LRP1: variants seen among roughly 807,000 people sequenced by gnomAD.
LRP1 encodes the protein LDL receptor related protein 1, also known as prolow-density lipoprotein receptor-related protein 1.
In LRP1, 51 loss-of-function variants were observed where a neutral mutation model predicts 541.5. The ratio of observed to expected loss-of-function variants is 0.09; its 90% CI spans 0.08 to 0.12. The LOEUF (loss-of-function observed/expected upper bound fraction) is 0.12, where lower values mean the gene tolerates loss of function less well. Among genes scored for constraint, LRP1 ranks in the 10% least tolerant of loss-of-function variants. LRP1 has a pLI of 1.00. For synonymous variants in LRP1, 2,219 were observed against 2,470.8 expected, an observed-to-expected ratio of 0.90 and a Z score of 3.02; for missense variants, 3,878 against 6,376.2, an observed-to-expected ratio of 0.61 and a Z score of 13.34.
chr12:57,174,599 A>T (rs2036007168), intron 22 of LRP1, among the ~76,000 whole-genome samples: 1 of 152,234 alleles, frequency 6.6e-6, no homozygotes, highest in African/African-American at 2.4e-5. Context: ...ACATGGTGAA[A>T]CCCTGTCTCT....
intron 1 of LRP1, among the ~76,000 whole-genome samples, chr12:57,133,642 G>A (rs954281000): frequency 2.9e-3 from 9 of 3,150 alleles, no homozygotes; most frequent in African/African-American, 8.0e-3. Flanking sequence ...CCCACCCCCC[G>A]CACCTTGAGC....
At chr12:57,155,865 C>T (rs1052047343) in intron 8 of LRP1, among the ~76,000 whole-genome samples, 1 of 152,096 alleles carries the variant, frequency 6.6e-6, no homozygotes, top group Admixed American at 6.5e-5. Flanking sequence ...GCAGGAGGGC[C>T]GCTTAAGCCC....
chr12:57,149,733 C>T (rs1407959588), intron 6 of LRP1: 1 of 730,562 alleles, frequency 1.4e-6, no homozygotes, highest in Non-Finnish European at 2.5e-6. Context: ...CGGCTAAGCT[C>T]CAGACTGGCT....
chr12:57,195,406 G>C lies in LRP1; in HGVS notation c.8437+7G>C, dbSNP rs915857228. 2 of 1,603,538 alleles carry C rather than the reference G, an allele frequency of 1.2e-6. No individual in the cohort carries two copies. The highest frequency in any genetic ancestry group is 1.7e-5 in the Admixed American group (1 of 59,996). Reference sequence around the variant, plus strand: ...AGCATCGCAGCTGGTTGCTGTGAGTGGCGGGGCCACGTGGAGCGGGTGGAC... The same window carrying C: ...AGCATCGCAGCTGGTTGCTGTGAGTCGCGGGGCCACGTGGAGCGGGTGGAC... On this transcript the variant is annotated splice_region_variant and intron_variant, in intron 52 of 88. Coordinates refer to ENST00000243077, the MANE Select transcript of LRP1 (RefSeq NM_002332.3).
chr12:57,178,787 G>A lies in LRP1; in HGVS notation c.4607-103G>A. On this transcript the variant is annotated intron_variant, in intron 27 of 88. Coordinates refer to ENST00000243077, the MANE Select transcript of LRP1 (RefSeq NM_002332.3). This position sits in a 1 kb window ranked among gnomAD's most constrained non-coding sequence, Gnocchi z 5.8. Reference sequence around the variant, plus strand: ...AGAGAAGGGTCTAGTAGTAGCGGCTGCTGGAACAGGGGGAGGAGAGTGGGC... The same window carrying A: ...AGAGAAGGGTCTAGTAGTAGCGGCTACTGGAACAGGGGGAGGAGAGTGGGC... The A allele has an allele frequency of 6.6e-7, 1 of 1,522,298 alleles. No individual in the cohort carries two copies. The highest frequency in any genetic ancestry group is 1.3e-5 in the South Asian group (1 of 79,514). The allele number at this position is 1,522,298 out of a possible 1,614,324, so 94.3% of individuals were successfully genotyped here. A position where few individuals can be genotyped will look rare whatever the true frequency, so the allele number is the denominator to read the frequency against.
chr12:57,196,337 C>A, intron 55 of LRP1, 60 bp downstream of exon 55: 1 of 1,401,600 alleles, frequency 7.1e-7, no homozygotes, highest in Non-Finnish European at 9.6e-7. Flanking sequence ...CGCCTTTCTC[C>A]ACTGCCTTAT....
At chr12:57,131,504 G>A (rs980506241) in intron 1 of LRP1, among the ~76,000 whole-genome samples, 2 of 152,018 alleles carry the variant, frequency 1.3e-5, no homozygotes, top group Admixed American at 6.5e-5. Context: ...CCCTTGAGCC[G>A]GCATATTACC....
At chr12:57,150,465 A>G (rs1011603872) in intron 6 of LRP1, among the ~76,000 whole-genome samples, 3 of 152,134 alleles carry the variant, frequency 2.0e-5, no homozygotes, top group Admixed American at 6.5e-5. Flanking sequence ...TGCTGGGATT[A>G]CAGGCGTGAG....
rs1417747478 is a variant in LRP1, at chr12:57,195,058, C to T, written c.8265C>T (p.Gly2755=). The T allele has an allele frequency of 6.2e-7, 1 of 1,614,040 alleles. No homozygotes were observed. Among genetic ancestry groups the T allele is most frequent in the Non-Finnish European group, 8.5e-7 (1 of 1,179,942 alleles). Residue 2755 remains glycine, a synonymous_variant, in exon 51 of 89, where the codon GGC becomes GGT. Transcript: ENST00000243077. ...RCISKQWLCD[G]SDDCGDGSDE... ...TCTCCAAGCAGTGGCTGTGTGACGG[C>T]AGCGATGACTGTGGGGATGGCTCAG...
At chr12:57,149,854 A>C in intron 6 of LRP1, 1 of 676,762 alleles carries the variant, frequency 1.5e-6, no homozygotes, top group South Asian at 1.6e-5. Context: ...CCCACCTTCG[A>C]AGTCCTCAGA....
chr12:57,159,487 C>T (rs2035685638), intron 11 of LRP1, among the ~76,000 whole-genome samples: 1 of 152,218 alleles, frequency 6.6e-6, no homozygotes. Flanking sequence ...TGATGTCACA[C>T]TTGTGCCCAG....
chr12:57,203,913 C>T (rs757083798), intron 70 of LRP1: 7 of 217,772 alleles, frequency 3.2e-5, no homozygotes, highest in East Asian at 1.1e-4. Flanking sequence ...GCCTGTCCCT[C>T]GCTGACCTGC....
At chr12:57,176,760 A>G (rs2036055150) in intron 24 of LRP1, among the ~76,000 whole-genome samples, 1 of 152,148 alleles carries the variant, frequency 6.6e-6, no homozygotes, top group Admixed American at 6.5e-5. Context: ...ATGTATTAGC[A>G]TGGAAAAATC....
rs759140255 is a variant in LRP1 at position 57,144,996 on chromosome 12, G to A, written c.473G>A (p.Gly158Asp). ...CKDFDECSVYGTCSQLCTNTD... is the reference protein window; with the variant it reads ...CKDFDECSVYDTCSQLCTNTD... ...GATTTTGATGAGTGCTCAGTGTACG[G>A]CACCTGCAGCCAGCTATGCACCAAC... The change falls in exon 5 of 89, where the codon GGC (glycine) becomes GAC (aspartate). Residue 158 changes from glycine (G) to aspartate (D), a missense_variant. This residue lies in a region of LRP1 where 293 missense variants were observed against 403.7 expected (regional missense o/e 0.73). Transcript: ENST00000243077. 3.1e-6 allele frequency: 5 copies of A among 1,614,072 alleles called. No homozygotes were observed. In the South Asian group the frequency reaches 4.4e-5, roughly 14 times the overall value.
intron 70 of LRP1, 147 bp downstream of exon 70, chr12:57,203,668 C>A: frequency 1.8e-6 from 2 of 1,082,096 alleles, no homozygotes; most frequent in Non-Finnish European, 2.5e-6. Context: ...CAGGCACTGC[C>A]ATAGGTGTTA....
At chr12:57,199,690 G>A (rs959617572) in intron 61 of LRP1, among the ~76,000 whole-genome samples, 187 bp from the exon 62 acceptor site, 1 of 152,188 alleles carries the variant, frequency 6.6e-6, no homozygotes, top group African/African-American at 2.4e-5. Context: ...CACAGAGGAG[G>A]TGGGGAGCTG....
Position 57,183,535 on chromosome 12 carries a change from G to A in LRP1, c.5794+25G>A. 1 of 1,608,144 alleles carries A rather than the reference G, an allele frequency of 6.2e-7. No homozygotes were observed. The highest frequency in any genetic ancestry group is 8.5e-7 in the Non-Finnish European group (1 of 1,176,218). On this transcript the variant is annotated intron_variant, in intron 35 of 88. Transcript: ENST00000243077. This position sits in a 1 kb window ranked among gnomAD's most constrained non-coding sequence, Gnocchi z 6.1. ...GGTGAGCCATTTGGTGGCAGAGGGAGTTGGGCGTGGCGTAGGAGCTTTAGG... is the reference window on the plus strand; with the variant it reads ...GGTGAGCCATTTGGTGGCAGAGGGAATTGGGCGTGGCGTAGGAGCTTTAGG...
chr12:57,195,272 A>G lies in LRP1; in HGVS notation c.8310A>G (p.Glu2770=). The G allele has an allele frequency of 6.2e-7, 1 of 1,613,674 alleles. No homozygotes were observed. The highest frequency in any genetic ancestry group is 8.5e-7 in the Non-Finnish European group (1 of 1,179,754). The change falls in exon 52 of 89, where the codon GAA becomes GAG. Residue 2770 remains glutamate (E), a splice_region_variant and synonymous_variant. Transcript: ENST00000243077. ...GDGSDEAAHC[E]GKTCGPSSFS... is the part of the protein sequence containing the mutation. ...CAGTGGCCCTCTCTCCCCCTACAGA[A>G]GGCAAGACGTGCGGCCCCTCCTCCT...
At chr12:57,143,932 A>C in intron 4 of LRP1, 134 bp downstream of exon 4, 1 of 1,164,126 alleles carries the variant, frequency 8.6e-7, no homozygotes, top group Non-Finnish European at 1.2e-6. Flanking sequence ...AGGGGGTGCC[A>C]CCACCCCAGG....
Sources: gnomAD v4.1 joint callset for allele counts (sites outside exome capture counted in the v4.1 genomes callset) on GRCh38, gnomAD v4.1.1 for gene constraint, gnomAD v4.1.1 regional missense constraint, Gnocchi (gnomAD v3.1) non-coding constraint, MANE v1.5 for transcripts, NCBI Gene and HGNC (gene_info 2026-07-23, HGNC 2026-07-21) for gene names.